The following ASB5 variants were observed in gnomAD, a reference collection of about 807,000 sequenced individuals.
ASB5 encodes the protein ankyrin repeat and SOCS box protein 5.
A neutral mutation model predicts 42.1 loss-of-function variants in ASB5; 45 were observed. That is an observed-to-expected ratio of 1.07 (90% CI 0.84 to 1.37). The LOEUF (loss-of-function observed/expected upper bound fraction) is 1.37. Among genes scored for constraint, ASB5 ranks in the 40% most tolerant of loss-of-function variants. ASB5 has a pLI of 0.00. For missense variants in ASB5, 402 were observed against 399.8 expected (o/e 1.01, Z -0.05); for synonymous variants, 147 against 150.6 (o/e 0.98, Z 0.18).
intron 1 of ASB5, among the ~76,000 whole-genome samples, chr4:176,252,693 A>G (rs1754067425): frequency 6.6e-6 from 1 of 152,242 alleles, no homozygotes; most frequent in South Asian, 2.1e-4. Context: ...GACAGATTGC[A>G]ATCCAATACA....
At chr4:176,265,939 T>C (rs1335287312) in intron 1 of ASB5, among the ~76,000 whole-genome samples, 1 of 152,112 alleles carries the variant, frequency 6.6e-6, no homozygotes, top group Non-Finnish European at 1.5e-5. Flanking sequence ...ATGAGGGTGA[T>C]AAAAGTCTTA....
rs1272139281 is a variant in ASB5 at position 176,222,028 on chromosome 4, A to G, written c.384+285T>C. On this transcript the variant is annotated intron_variant, in intron 3 of 6. Coordinates refer to ENST00000296525, the MANE Select transcript of ASB5 (RefSeq NM_080874.4). ...GGAAAATCATCCAAAAGATGGGCAA[A>G]CGTTATAGACCTAAAGATGTTCATC... Among the ~76,000 whole-genome samples, 6 of 152,332 alleles carry G rather than the reference A, an allele frequency of 3.9e-5. No homozygotes were observed. The East Asian group carries it at 1.2e-3, about 29-fold the overall frequency.
chr4:176,273,299 A>G (rs1754508437), upstream of ASB5, among the ~76,000 whole-genome samples: 1 of 152,216 alleles, frequency 6.6e-6, no homozygotes, highest in Non-Finnish European at 1.5e-5. Context: ...GTGAATACAA[A>G]CTAAGAAAAG....
At chr4:176,218,410 TATAA>T (rs1451023352) in intron 5 of ASB5, among the ~76,000 whole-genome samples, 1 of 117,774 alleles carries the variant, frequency 8.5e-6, no homozygotes, top group Non-Finnish European at 1.7e-5. Context: ...TTGTATGATA[TATAA>T]ATATATATAT....
chr4:176,222,351 C>G lies in ASB5; in HGVS notation c.346G>C (p.Val116Leu), dbSNP rs1451944899. ...TCCAGCAGAGTTCTGGCACATGCCACGTGATCTCCAAGGCAGGCTTCGTGC... is the reference window on the plus strand; with the variant it reads ...TCCAGCAGAGTTCTGGCACATGCCAGGTGATCTCCAAGGCAGGCTTCGTGC... The part of the protein sequence containing the change: ...PLHEACLGDH[V>L]ACARTLLEAG... The change falls in exon 3 of 7, where the codon GTG becomes CTG. Residue 116 changes from valine (V) to leucine (L), a missense_variant. Val to Leu is a conservative substitution (Grantham distance 32, BLOSUM62 1). Transcript: ENST00000296525. 1.2e-6 allele frequency: 2 copies of G among 1,613,962 alleles called. No individual in the cohort carries two copies. Among genetic ancestry groups the G allele is most frequent in the Non-Finnish European group, 1.7e-6 (2 of 1,179,930 alleles).
rs1753208176 is a variant in ASB5 at position 176,221,526 on chromosome 4, C to T, written c.459G>A (p.Glu153=). 4.3e-6 allele frequency: 7 copies of T among 1,614,082 alleles called. No homozygotes were observed. Among genetic ancestry groups the T allele is most frequent in the Middle Eastern group, 1.6e-4 (1 of 6,062 alleles). ...ACSQGSPSCA[E]LLLEYGAKAQ... is the part of the protein sequence containing the mutation. ...CTTTGGCACCATACTCCAGAAGCAG[C>T]TCTGCACAGCTTGGACTGCCTTGGG... Residue 153 remains glutamate (E), a synonymous_variant, in exon 4 of 7, where the codon GAG becomes GAA. Coordinates refer to ENST00000296525, the MANE Select transcript of ASB5 (RefSeq NM_080874.4).
At chr4:176,257,123 G>A (rs553280626) in intron 1 of ASB5, among the ~76,000 whole-genome samples, 1 of 152,290 alleles carries the variant, frequency 6.6e-6, no homozygotes, top group South Asian at 2.1e-4. Flanking sequence ...AAGAAGGATG[G>A]TTTGGCAAAG....
chr4:176,239,502 A>T (rs1579323588), intron 1 of ASB5, among the ~76,000 whole-genome samples: 2 of 152,208 alleles, frequency 1.3e-5, no homozygotes, highest in East Asian at 3.9e-4. Flanking sequence ...TGTTCTGAAA[A>T]CAATTTTAGA....
intron 1 of ASB5, among the ~76,000 whole-genome samples, chr4:176,253,886 C>G (rs539093639): frequency 1.1e-4 from 17 of 152,124 alleles, no homozygotes; most frequent in African/African-American, 4.1e-4. Context: ...TGAGGAGAAC[C>G]ACAAAACAGT....
Position 176,221,230 on chromosome 4 carries a change from GA to G in ASB5, c.594del (p.Pro199LeufsTer9). The G allele has an allele frequency of 6.2e-7, 1 of 1,614,080 alleles. No individual in the cohort carries two copies. Among genetic ancestry groups the G allele is most frequent in the Non-Finnish European group, 8.5e-7 (1 of 1,179,990 alleles). ...ISWGIDVDQE[I>X]PHLGTPLYVA... ...ACATAGAGAGGAGTTCCCAAATGAG[GA>G]ATTTCTTGGTCAACATCTATGCCCC... On this transcript the variant is annotated frameshift_variant, in exon 5 of 7. Transcript: ENST00000296525. LOFTEE classifies it high-confidence loss of function.
chr4:176,267,931 T>C (rs1290321354), intron 1 of ASB5, among the ~76,000 whole-genome samples: 1 of 152,148 alleles, frequency 6.6e-6, no homozygotes, highest in Non-Finnish European at 1.5e-5. Flanking sequence ...TGTAGGAACA[T>C]GGATTTTAAG....
chr4:176,221,290 C>A lies in ASB5; in HGVS notation c.536-1G>T. ...AGGATGTCAAGACATTCATGGTGACCTGCCAACACAAAGTAGAGGAGTTTA... is the reference window on the plus strand; with the variant it reads ...AGGATGTCAAGACATTCATGGTGACATGCCAACACAAAGTAGAGGAGTTTA... On this transcript the variant is annotated splice_acceptor_variant, in intron 4 of 6. Transcript: ENST00000296525. LOFTEE classifies it high-confidence loss of function. 1 of 1,613,798 alleles carries A rather than the reference C, an allele frequency of 6.2e-7. No homozygotes were observed. The highest frequency in any genetic ancestry group is 8.5e-7 in the Non-Finnish European group (1 of 1,179,876).
chr4:176,257,584 T>A (rs975306242), intron 1 of ASB5, among the ~76,000 whole-genome samples: 3 of 152,184 alleles, frequency 2.0e-5, no homozygotes, highest in Non-Finnish European at 2.9e-5. Context: ...AAAACATACC[T>A]TGAGTCTTAA....
intron 1 of ASB5, among the ~76,000 whole-genome samples, chr4:176,242,254 G>T (rs1753826303): frequency 6.6e-6 from 1 of 152,142 alleles, no homozygotes; most frequent in African/African-American, 2.4e-5. Flanking sequence ...AGATGACAAG[G>T]TTACTTATGC....
At chr4:176,224,661 T>C (rs1313688323) in intron 2 of ASB5, among the ~76,000 whole-genome samples, 1 of 151,896 alleles carries the variant, frequency 6.6e-6, no homozygotes, top group Non-Finnish European at 1.5e-5. Flanking sequence ...GCGTGAGCCA[T>C]TGTGCCAGCC....
chr4:176,252,111 A>T (rs953041072), intron 1 of ASB5, among the ~76,000 whole-genome samples: 4 of 151,376 alleles, frequency 2.6e-5, no homozygotes, highest in African/African-American at 9.7e-5. Context: ...AAAGACACGC[A>T]TATAAAATAT....
At chr4:176,274,373 C>A (rs910953970) in intron 2 of ASB5, among the ~76,000 whole-genome samples, 5 of 152,090 alleles carry the variant, frequency 3.3e-5, no homozygotes, top group Non-Finnish European at 2.9e-5. Context: ...AAAAAAACCC[C>A]TGATATATTT....
intron 1 of ASB5, among the ~76,000 whole-genome samples, chr4:176,252,097 A>G (rs1000141259): frequency 3.9e-5 from 5 of 129,228 alleles, no homozygotes; most frequent in African/African-American, 5.8e-5. Context: ...AAAAAAAAAA[A>G]GAAAAAGACA....
Position 176,229,811 on chromosome 4 carries a change from C to A in ASB5, c.197-4470G>T, listed in dbSNP as rs9996130. Among the ~76,000 whole-genome samples, 1,334 of 152,260 alleles carry A rather than the reference C, an allele frequency of 8.8e-3. 25 individuals carry two copies. Among genetic ancestry groups the A allele is most frequent in the African/African-American group, 0.03 (1,257 of 41,546 alleles). On this transcript the variant is annotated intron_variant, in intron 1 of 6. Transcript: ENST00000296525. Reference sequence around the variant, plus strand: ...GAGTTTTGAATGTTGGATGAGGGAGCCCTTGGCCCATCTTGCAGGAACAAG... The same window carrying A: ...GAGTTTTGAATGTTGGATGAGGGAGACCTTGGCCCATCTTGCAGGAACAAG...
Sources: gnomAD v4.1 joint callset for allele counts (sites outside exome capture counted in the v4.1 genomes callset) on GRCh38, gnomAD v4.1.1 for gene constraint, MANE v1.5 for transcripts, NCBI Gene and HGNC (gene_info 2026-07-23, HGNC 2026-07-21) for gene names.